TCF7L1: variants seen among roughly 807,000 people sequenced by gnomAD.
TCF7L1 encodes transcription factor 7-like 1.
TCF7L1 carries 18 observed loss-of-function variants against 63.7 expected under a neutral mutation model. That is an observed-to-expected ratio of 0.28 (90% confidence interval 0.20 to 0.42). The LOEUF (loss-of-function observed/expected upper bound fraction) is 0.42, where lower values mean the gene tolerates loss of function less well. TCF7L1 is among the 10% of genes least tolerant of loss of function. The pLI, the probability that TCF7L1 is intolerant of heterozygous loss-of-function variation, is 1.00. For synonymous variants in TCF7L1, 355 were observed against 340.9 expected (o/e 1.04, Z -0.46); for missense variants, 654 against 779.3 (o/e 0.84, Z 1.91).
chr2:85,222,202 G>C (rs902312372), intron 3 of TCF7L1, among the ~76,000 whole-genome samples: 3 of 152,008 alleles, frequency 2.0e-5, no homozygotes, highest in Non-Finnish European at 2.9e-5. Context: ...TTAAGCGGGC[G>C]TGGTGGCGCA....
intron 3 of TCF7L1, among the ~76,000 whole-genome samples, chr2:85,276,338 C>T (rs1681267822): frequency 6.6e-6 from 1 of 152,182 alleles, no homozygotes; most frequent in Non-Finnish European, 1.5e-5. Context: ...GCTACATTTA[C>T]GTATTCTCGG....
chr2:85,192,424 C>T (rs1246783875), intron 3 of TCF7L1, among the ~76,000 whole-genome samples: 2 of 152,076 alleles, frequency 1.3e-5, no homozygotes, highest in Admixed American at 1.3e-4. Context: ...GAGACAGAGT[C>T]CCGATCTGTT....
At chr2:85,184,887 C>T (rs545229581) in intron 3 of TCF7L1, among the ~76,000 whole-genome samples, 34 of 152,308 alleles carry the variant, frequency 2.2e-4, no homozygotes, top group African/African-American at 7.7e-4. Context: ...CCTTCTGATC[C>T]TCACAGCACC....
intron 4 of TCF7L1, among the ~76,000 whole-genome samples, chr2:85,286,935 C>T (rs62162680): frequency 0.021 from 3,209 of 152,224 alleles, 55 homozygotes; most frequent in Admixed American, 0.033. Flanking sequence ...GAGACCCTGT[C>T]GTGAACAAAA....
In TCF7L1 at chr2:85,140,158, C is replaced by G. The variant is rs146921473; in HGVS notation, c.441+5708C>G. ...ATTCCTGGTGTCCAAGCTCAGGCAC[C>G]TGGAGACTGACTTCTGTGGGTGGGG... is the stretch of plus-strand genomic sequence containing the variant. On this transcript the variant is annotated intron_variant, in intron 3 of 11. Coordinates refer to ENST00000282111, the MANE Select transcript of TCF7L1 (RefSeq NM_031283.3). 2.7e-3 allele frequency among the ~76,000 whole-genome samples: 417 copies of G among 152,204 alleles called. 4 individuals are homozygous for G. Among genetic ancestry groups the G allele is most frequent in the African/African-American group, 9.7e-3 (404 of 41,522 alleles).
At chr2:85,178,799 G>A (rs925785273) in intron 3 of TCF7L1, among the ~76,000 whole-genome samples, 7 of 152,202 alleles carry the variant, frequency 4.6e-5, no homozygotes, top group African/African-American at 9.6e-5. Flanking sequence ...CAAGACAGGC[G>A]GCAGGGCTGT....
At chr2:85,144,747 G>A (rs56311108) in intron 3 of TCF7L1, among the ~76,000 whole-genome samples, 3 of 147,760 alleles carry the variant, frequency 2.0e-5, no homozygotes, top group Non-Finnish European at 4.5e-5. Flanking sequence ...GTGTGTGTGT[G>A]TGTATGTGTG....
intron 3 of TCF7L1, among the ~76,000 whole-genome samples, chr2:85,141,123 C>T (rs1213046787): frequency 1.3e-5 from 2 of 152,054 alleles, no homozygotes; most frequent in African/African-American, 2.4e-5. Flanking sequence ...CAATCTCTAA[C>T]AAAATTTTAA....
chr2:85,241,431 G>GTTTTTTT lies in TCF7L1; in HGVS notation c.442-42059_442-42058insTTTTTTT, dbSNP rs1273488175. 4.1e-3 allele frequency among the ~76,000 whole-genome samples: 284 copies of GTTTTTTT among 68,736 alleles called. 33 individuals are homozygous for GTTTTTTT. Among genetic ancestry groups the GTTTTTTT allele is most frequent in the African/African-American group, 0.014 (260 of 19,204 alleles). 45.1% of individuals were successfully genotyped at this position (68,736 alleles called of 152,430 possible). On this transcript the variant is annotated intron_variant, in intron 3 of 11. Transcript: ENST00000282111. Reference sequence around the variant, plus strand: ...TGATCCAGAGGACTGGATGCACTTTGTTTTTGTTTTTTTTTTTTTTTTTTT... The same window carrying GTTTTTTT: ...TGATCCAGAGGACTGGATGCACTTTGTTTTTTTTTTTTGTTTTTTTTTTTTTTTTTTT...
chr2:85,193,213 G>A (rs1679078829), intron 3 of TCF7L1, among the ~76,000 whole-genome samples: 1 of 152,094 alleles, frequency 6.6e-6, no homozygotes, highest in African/African-American at 2.4e-5. Flanking sequence ...AGAGCACAGA[G>A]GGCCAAGTGA....
intron 5 of TCF7L1, chr2:85,303,570 A>T: frequency 3.9e-6 from 1 of 257,794 alleles, no homozygotes; most frequent in South Asian, 1.7e-4. Flanking sequence ...TTGGTTCACC[A>T]GTGACTCTTG....
chr2:85,179,010 G>A (rs1404000074), intron 3 of TCF7L1, among the ~76,000 whole-genome samples: 1 of 152,170 alleles, frequency 6.6e-6, no homozygotes, highest in Non-Finnish European at 1.5e-5. Context: ...GTCAGAGCCT[G>A]GGGCTGATAA....
intron 7 of TCF7L1, 132 bp from the exon 8 acceptor site, chr2:85,305,128 C>A: frequency 8.3e-7 from 1 of 1,208,738 alleles, no homozygotes; most frequent in Non-Finnish European, 1.2e-6. Flanking sequence ...CGACAAATAG[C>A]CTTCTAGTCC....
intron 4 of TCF7L1, among the ~76,000 whole-genome samples, chr2:85,295,591 C>T (rs1187251176): frequency 6.6e-6 from 1 of 152,032 alleles, no homozygotes; most frequent in Non-Finnish European, 1.5e-5. Flanking sequence ...CACATTTTTC[C>T]CCTGGGCTTT....
chr2:85,306,379 T>C lies in TCF7L1; in HGVS notation c.1149+14T>C. 10 of 1,613,390 alleles carry C rather than the reference T, an allele frequency of 6.2e-6. No individual in the cohort carries two copies. The highest frequency in any genetic ancestry group is 8.5e-6 in the Non-Finnish European group (10 of 1,179,384). The stretch of plus-strand genomic sequence containing the variant: ...CTTGGAAGAAAGGTAAGACCTGCCC[T>C]CTCCCTCCAGGCCAGGGAGGCAGCG... On this transcript the variant is annotated intron_variant, in intron 9 of 11. Transcript: ENST00000282111. The surrounding 1 kb of genome is among the most constrained non-coding windows in gnomAD (Gnocchi z 4.3).
chr2:85,217,099 G>A (rs1679728832), intron 3 of TCF7L1: 1 of 152,210 alleles, frequency 6.6e-6, no homozygotes, highest in East Asian at 1.9e-4. Flanking sequence ...TGTTGAATAT[G>A]AGGCATTGTT....
chr2:85,239,921 G>GGGCAA lies in TCF7L1; in HGVS notation c.442-43573_442-43569dup, dbSNP rs571270690. Among the ~76,000 whole-genome samples, 389 of 141,320 alleles carry GGGCAA rather than the reference G, an allele frequency of 2.8e-3. 1 individual carries two copies. The highest frequency in any genetic ancestry group is 0.01 in the African/African-American group (375 of 37,326). The allele number at this position is 141,320 out of a possible 152,430, so 92.7% of individuals were successfully genotyped here. The stretch of plus-strand genomic sequence containing the variant: ...AGATCGCGCCACTGCACTCCAGCCT[G>GGGCAA]GGCAACAGAGCGAGACTCCATCTAA... On this transcript the variant is annotated intron_variant, in intron 3 of 11. Transcript: ENST00000282111.
At chr2:85,249,015 A>G (rs1680533002) in intron 3 of TCF7L1, among the ~76,000 whole-genome samples, 1 of 151,102 alleles carries the variant, frequency 6.6e-6, no homozygotes, top group Admixed American at 6.6e-5. Context: ...AAAAAACAGG[A>G]GGAAGTAGGG....
intron 3 of TCF7L1, among the ~76,000 whole-genome samples, chr2:85,187,999 AG>A (rs1343630866): frequency 2.0e-5 from 3 of 152,250 alleles, no homozygotes; most frequent in African/African-American, 7.2e-5. Flanking sequence ...GCGAGCCTCA[AG>A]GAAATGATGC....
Sources: allele counts gnomAD v4.1 joint callset (sites outside exome capture counted in the v4.1 genomes callset), GRCh38; gene constraint gnomAD v4.1.1; non-coding constraint Gnocchi (gnomAD v3.1); transcripts MANE v1.5; gene names NCBI Gene and HGNC (gene_info 2026-07-23, HGNC 2026-07-21).